The following RALGAPA2 variants were observed in gnomAD, a reference collection of about 807,000 sequenced individuals.
RALGAPA2 encodes the protein ral GTPase-activating protein subunit alpha-2.
RALGAPA2 carries 139 observed loss-of-function variants against 230.4 expected under a neutral mutation model. The observed-to-expected ratio is 0.60, with a 90% confidence interval of 0.53 to 0.69. The LOEUF is 0.69. Among genes scored for constraint, RALGAPA2 ranks in the 30% least tolerant of loss-of-function variants. The probability of loss-of-function intolerance (pLI) is 0.00; values close to 1 mark genes in which losing one functional copy is unlikely to be tolerated. For missense variants in RALGAPA2, 2,163 were observed against 2,276.0 expected, an observed-to-expected ratio of 0.95 and a Z score of 1.01; for synonymous variants, 847 against 837.8, an observed-to-expected ratio of 1.01 and a Z score of -0.19.
At chr20:20,522,755 A>C (rs1454897422) in intron 30 of RALGAPA2, among the ~76,000 whole-genome samples, 1 of 152,262 alleles carries the variant, frequency 6.6e-6, no homozygotes, top group Non-Finnish European at 1.5e-5. Flanking sequence ...ACAAACAGTT[A>C]TTTAGTAAAT....
intron 13 of RALGAPA2, among the ~76,000 whole-genome samples, chr20:20,615,008 C>T (rs1269745794): frequency 6.6e-6 from 1 of 152,078 alleles, no homozygotes; most frequent in Non-Finnish European, 1.5e-5. Flanking sequence ...TGAGAGGGAA[C>T]ACACAAAGGA....
chr20:20,605,274 A>C lies in RALGAPA2; in HGVS notation c.1939T>G (p.Leu647Val). ...INEWANIMDS[L>V]TAVLARTVYG... is the part of the protein sequence containing the mutation. ...ACGGTTCTTGCAAGCACTGCTGTCA[A>C]GGAGTCCATAATGTTGGCCCACTCG... Residue 647 changes from leucine (L) to valine (V), a missense_variant, in exon 15 of 40, where the codon TTG (leucine) becomes GTG (valine). Coordinates refer to ENST00000202677, the MANE Select transcript of RALGAPA2 (RefSeq NM_020343.4). The C allele has an allele frequency of 6.2e-7, 1 of 1,613,868 alleles. No individual in the cohort carries two copies. Among genetic ancestry groups the C allele is most frequent in the African/African-American group, 1.3e-5 (1 of 75,046 alleles).
chr20:20,586,152 A>G (rs181583135), intron 18 of RALGAPA2, among the ~76,000 whole-genome samples: 8 of 152,336 alleles, frequency 5.3e-5, no homozygotes, highest in Non-Finnish European at 1.0e-4. Context: ...CCTCCCAGCC[A>G]TAGAACCAGA....
intron 13 of RALGAPA2, among the ~76,000 whole-genome samples, chr20:20,612,581 G>A (rs1486024962): frequency 6.6e-6 from 1 of 152,122 alleles, no homozygotes; most frequent in African/African-American, 2.4e-5. Context: ...GGCCCCATTT[G>A]ATTTTGGTCC....
At chr20:20,548,536 GATAA>G (rs2063835561) in intron 23 of RALGAPA2, among the ~76,000 whole-genome samples, 1 of 151,458 alleles carries the variant, frequency 6.6e-6, no homozygotes, top group South Asian at 2.1e-4. Flanking sequence ...GAAATAAACA[GATAA>G]ATAGATAAGT....
intron 23 of RALGAPA2, among the ~76,000 whole-genome samples, chr20:20,550,956 G>A (rs1228143500): frequency 6.6e-6 from 1 of 152,170 alleles, no homozygotes; most frequent in Non-Finnish European, 1.5e-5. Context: ...AGAAAGAATA[G>A]TTTAAGACAT....
At chr20:20,463,078 A>G (rs1271737179) in intron 37 of RALGAPA2, among the ~76,000 whole-genome samples, 1 of 151,964 alleles carries the variant, frequency 6.6e-6, no homozygotes, top group African/African-American at 2.4e-5. Context: ...TGTCTTTAGG[A>G]AACTTGTTCC....
chr20:20,708,351 C>A (rs902314051), intron 1 of RALGAPA2, among the ~76,000 whole-genome samples: 1 of 152,142 alleles, frequency 6.6e-6, no homozygotes, highest in African/African-American at 2.4e-5. Flanking sequence ...TTGGCTGTGT[C>A]CCCATCCAAA....
intron 1 of RALGAPA2, among the ~76,000 whole-genome samples, chr20:20,709,019 C>CA (rs1326001204): frequency 6.6e-6 from 1 of 151,680 alleles, no homozygotes; most frequent in Non-Finnish European, 1.5e-5. Context: ...CCGTCTTCTA[C>CA]AAAAAATACA....
intron 24 of RALGAPA2, among the ~76,000 whole-genome samples, chr20:20,537,619 C>CAAAAAAAAAA: frequency 2.4e-5 from 1 of 41,098 alleles, no homozygotes; most frequent in Non-Finnish European, 6.2e-5. Flanking sequence ...GACTCCATCT[C>CAAAAAAAAAA]AAAAAAAAAA....
intron 35 of RALGAPA2, 134 bp from the exon 36 acceptor site, chr20:20,495,409 T>A (rs1350029511): frequency 1.5e-6 from 1 of 656,910 alleles, no homozygotes; most frequent in African/African-American, 1.8e-5. Context: ...AACATTGATG[T>A]TCTTCTGTGA....
At chr20:20,486,559 T>C (rs1206567119) in intron 36 of RALGAPA2, among the ~76,000 whole-genome samples, 1 of 152,210 alleles carries the variant, frequency 6.6e-6, no homozygotes, top group Non-Finnish European at 1.5e-5. Flanking sequence ...TCCTGTGCTT[T>C]GTATGTGTCT....
intron 1 of RALGAPA2, among the ~76,000 whole-genome samples, chr20:20,687,270 C>A (rs2068738785): frequency 6.6e-6 from 1 of 152,202 alleles, no homozygotes; most frequent in African/African-American, 2.4e-5. Flanking sequence ...ACAGAAAATG[C>A]AGACAAGGAT....
chr20:20,578,132 G>A (rs1412315324), intron 20 of RALGAPA2, among the ~76,000 whole-genome samples: 3 of 152,100 alleles, frequency 2.0e-5, no homozygotes, highest in Non-Finnish European at 4.4e-5. Context: ...GACTTCTTTA[G>A]GAGTTTCTGA....
intron 39 of RALGAPA2, among the ~76,000 whole-genome samples, chr20:20,395,715 GGCTGGCTGTGAT>G (rs2059700242): frequency 6.6e-6 from 1 of 152,100 alleles, no homozygotes; most frequent in African/African-American, 2.4e-5. Context: ...CTGGAGGGTC[GGCTGGCTGTGAT>G]GCTGGCTGCT....
At chr20:20,428,052 A>G (rs929277322) in intron 37 of RALGAPA2, among the ~76,000 whole-genome samples, 3 of 152,196 alleles carry the variant, frequency 2.0e-5, no homozygotes, top group Non-Finnish European at 4.4e-5. Flanking sequence ...TTAAAAATAA[A>G]ATTTCAGAAA....
chr20:20,513,376 T>A (rs1266160600), intron 31 of RALGAPA2, 92 bp from the exon 32 acceptor site: 1 of 1,070,628 alleles, frequency 9.3e-7, no homozygotes, highest in Admixed American at 3.7e-5. Context: ...AGGGGGCAGT[T>A]CCAATATGGT....
At chr20:20,510,941 T>C (rs938641117) in intron 33 of RALGAPA2, among the ~76,000 whole-genome samples, 2 of 152,168 alleles carry the variant, frequency 1.3e-5, no homozygotes, top group African/African-American at 4.8e-5. Context: ...CTAGGTAAAC[T>C]TTTTCTTCAT....
intron 37 of RALGAPA2, among the ~76,000 whole-genome samples, chr20:20,464,766 A>G (rs1259961154): frequency 6.6e-6 from 1 of 152,226 alleles, no homozygotes; most frequent in Non-Finnish European, 1.5e-5. Flanking sequence ...TAGAATGATT[A>G]TTTAGAGCAC....
Sources: gnomAD v4.1 joint callset for allele counts (sites outside exome capture counted in the v4.1 genomes callset) on GRCh38, gnomAD v4.1.1 for gene constraint, MANE v1.5 for transcripts, NCBI Gene and HGNC (gene_info 2026-07-23, HGNC 2026-07-21) for gene names.